Variants in STRN3 observed in about 807,000 individuals in gnomAD.
STRN3 encodes striatin 3, also known as striatin-3.
A neutral mutation model predicts 95.6 loss-of-function variants in STRN3; 29 were observed. The ratio of observed to expected loss-of-function variants is 0.30; its 90% CI spans 0.23 to 0.41. The LOEUF is 0.41. Among genes scored for constraint, STRN3 ranks in the 10% least tolerant of loss-of-function variants. STRN3 has a pLI of 1.00. For synonymous variants in STRN3, 331 were observed against 357.6 expected (o/e 0.93, Z 0.84); for missense variants, 890 against 972.1 (o/e 0.92, Z 1.12).
chr14:31,023,693 A>G (rs1025525769), intron 1 of STRN3, among the ~76,000 whole-genome samples: 3 of 152,148 alleles, frequency 2.0e-5, no homozygotes, highest in African/African-American at 7.2e-5. Context: ...ATGCTTCACT[A>G]CACCCTCCCA....
chr14:30,929,966 A>AAACAAAAAAAAAAAAAAAC (rs1566441425), intron 7 of STRN3, among the ~76,000 whole-genome samples: 1 of 108,312 alleles, frequency 9.2e-6, no homozygotes, highest in Non-Finnish European at 1.8e-5. Context: ...AAAAAAAAAA[A>AAACAAAAAAAAAAAAAAAC]AAAAAAAAAA....
At chr14:30,901,276 AT>A (rs1488478714) in intron 16 of STRN3, among the ~76,000 whole-genome samples, 2 of 97,470 alleles carry the variant, frequency 2.1e-5, no homozygotes, top group Non-Finnish European at 4.4e-5. Flanking sequence ...CCCTGTCTCT[AT>A]AAAAAAAAAA....
At chr14:31,024,636 T>C (rs1252403353) in intron 1 of STRN3, among the ~76,000 whole-genome samples, 1 of 152,244 alleles carries the variant, frequency 6.6e-6, no homozygotes, top group Non-Finnish European at 1.5e-5. Flanking sequence ...AAAAGTTTAC[T>C]AGTTCAGAAC....
At chr14:30,981,135 GATCTTGTCTCTACA>G (rs1170336907) in intron 1 of STRN3, among the ~76,000 whole-genome samples, 1 of 150,758 alleles carries the variant, frequency 6.6e-6, no homozygotes, top group Non-Finnish European at 1.5e-5. Context: ...AACAAAGCAA[GATCTTGTCTCTACA>G]AAAAAAAGTT....
intron 5 of STRN3, among the ~76,000 whole-genome samples, chr14:30,944,685 C>T (rs1879277192): frequency 6.9e-6 from 1 of 145,610 alleles, no homozygotes; most frequent in African/African-American, 2.5e-5. Flanking sequence ...ATGGCATGAT[C>T]TCAGCTCACT....
intron 1 of STRN3, among the ~76,000 whole-genome samples, chr14:31,014,420 C>T (rs1344067140): frequency 6.6e-6 from 1 of 152,028 alleles, no homozygotes; most frequent in African/African-American, 2.4e-5. Flanking sequence ...CGGGGTTTCA[C>T]CATGTGGGTC....
At chr14:30,901,102 G>A (rs1349613506) in intron 16 of STRN3, among the ~76,000 whole-genome samples, 2 of 151,928 alleles carry the variant, frequency 1.3e-5, no homozygotes, top group Admixed American at 6.6e-5. Flanking sequence ...AAACATTATC[G>A]GTTTCATAAA....
Position 30,956,257 on chromosome 14 carries a change from G to A in STRN3, c.283-15C>T, listed in dbSNP as rs778336985. Reference sequence around the variant, plus strand: ...GCAATCCGGGCCTAAAAATATAAAAGATGCATTTATTTACATTTTCCCTTA... The same window carrying A: ...GCAATCCGGGCCTAAAAATATAAAAAATGCATTTATTTACATTTTCCCTTA... On this transcript the variant is annotated splice_polypyrimidine_tract_variant and intron_variant, in intron 1 of 17. Coordinates refer to ENST00000357479, the MANE Select transcript of STRN3 (RefSeq NM_001083893.2). 7 of 1,607,424 alleles carry A rather than the reference G, an allele frequency of 4.4e-6. No homozygotes were observed. The South Asian group carries it at 7.7e-5, about 18-fold the overall frequency.
At chr14:31,022,626 G>C (rs1463396094) in intron 1 of STRN3, among the ~76,000 whole-genome samples, 1 of 151,286 alleles carries the variant, frequency 6.6e-6, no homozygotes, top group East Asian at 1.9e-4. Flanking sequence ...CGCAATACTA[G>C]ATGAAGAATT....
chr14:30,910,407 ATG>A (rs1896577427), intron 13 of STRN3, among the ~76,000 whole-genome samples: 1 of 152,184 alleles, frequency 6.6e-6, no homozygotes, highest in Non-Finnish European at 1.5e-5. Flanking sequence ...TGTAGGCACA[ATG>A]TGTGTGTTAA....
intron 8 of STRN3, among the ~76,000 whole-genome samples, chr14:30,919,419 G>C (rs1244633417): frequency 6.6e-6 from 1 of 151,396 alleles, no homozygotes; most frequent in African/African-American, 2.4e-5. Context: ...TTAAAGTTCT[G>C]TAAGCTCACA....
At chr14:31,006,332 G>T (rs1342522862) in intron 1 of STRN3, among the ~76,000 whole-genome samples, 1 of 151,872 alleles carries the variant, frequency 6.6e-6, no homozygotes, top group African/African-American at 2.4e-5. Context: ...AGGCAGGAGG[G>T]CAGCTCTTGA....
At chr14:31,025,710 A>G (rs1594607283) in intron 1 of STRN3, 194 bp downstream of exon 1, 1 of 816,748 alleles carries the variant, frequency 1.2e-6, no homozygotes, top group South Asian at 1.8e-5. Flanking sequence ...AAGGTTGGGG[A>G]GCAAGCTTAT....
At chr14:30,955,843 A>G (rs1161623975) in intron 2 of STRN3, 150 bp from the exon 3 acceptor site, 12 of 658,610 alleles carry the variant, frequency 1.8e-5, no homozygotes, top group Non-Finnish European at 2.6e-5. Flanking sequence ...GCTGTAAAAG[A>G]AAAAAAAGGT....
chr14:30,974,752 G>C (rs1389418814), intron 1 of STRN3, among the ~76,000 whole-genome samples: 4 of 152,150 alleles, frequency 2.6e-5, no homozygotes, highest in African/African-American at 9.7e-5. Flanking sequence ...GCTAAAGTGA[G>C]CTGACATTGC....
chr14:30,899,479 T>C (rs1194905172), intron 16 of STRN3, among the ~76,000 whole-genome samples: 1 of 152,224 alleles, frequency 6.6e-6, no homozygotes. Context: ...TTTTAGTGGT[T>C]CCTACACATA....
In STRN3 at chr14:30,935,221, A is replaced by C; in HGVS notation, c.930T>G (p.Thr310=). The change falls in exon 7 of 18, where the codon ACT becomes ACG. Residue 310 remains threonine (T), a synonymous_variant. Transcript: ENST00000357479. ...EALKEFDFLV[T]AEDGEGAGEA... ...CTCCAGCTCCTTCACCATCTTCAGC[A>C]GTCACTAAAAAATCAAATTCTTTCA... 1 of 1,614,140 alleles carries C rather than the reference A, an allele frequency of 6.2e-7. No homozygotes were observed.
chr14:30,991,078 G>A (rs867054937), intron 1 of STRN3, among the ~76,000 whole-genome samples: 5 of 152,308 alleles, frequency 3.3e-5, no homozygotes, highest in Middle Eastern at 6.8e-3. Context: ...CTAATCATTA[G>A]CTGCTTCAGA....
At chr14:30,950,444 A>G (rs941816418) in intron 4 of STRN3, among the ~76,000 whole-genome samples, 2 of 152,228 alleles carry the variant, frequency 1.3e-5, no homozygotes, top group Admixed American at 1.3e-4. Context: ...CAAAATTCAA[A>G]AAAGCTCCTT....
Sources: allele counts gnomAD v4.1 joint callset (sites outside exome capture counted in the v4.1 genomes callset), GRCh38; gene constraint gnomAD v4.1.1; transcripts MANE v1.5; gene names NCBI Gene and HGNC (gene_info 2026-07-23, HGNC 2026-07-21).